NSMCE2: variants seen among roughly 807,000 people sequenced by gnomAD.
NSMCE2 encodes the protein E3 SUMO-protein ligase NSE2.
In NSMCE2, 24 loss-of-function variants were observed where a neutral mutation model predicts 23.8. The ratio of observed to expected loss-of-function variants is 1.01; its 90% CI spans 0.73 to 1.42. The LOEUF (loss-of-function observed/expected upper bound fraction) is 1.42. Among genes scored for constraint, NSMCE2 ranks in the 40% most tolerant of loss-of-function variants. The pLI, the probability that NSMCE2 is intolerant of heterozygous loss-of-function variation, is 0.00. For missense variants in NSMCE2, 284 were observed against 296.5 expected (o/e 0.96, Z 0.31); for synonymous variants, 92 against 94.1 (o/e 0.98, Z 0.13).
In NSMCE2 at chr8:125,151,331, A is replaced by T. The variant is rs1821021349; in HGVS notation, c.264+54A>T. ...ATTTGGTTACAACTCACTGACCGAG[A>T]AGTAGAAACACAAAATCAAAATTCT... On this transcript the variant is annotated intron_variant, in intron 4 of 7. Coordinates refer to ENST00000287437, the MANE Select transcript of NSMCE2 (RefSeq NM_173685.4). 7.1e-6 allele frequency: 6 copies of T among 849,316 alleles called. No individual in the cohort carries two copies. In the East Asian group the frequency reaches 1.5e-4, roughly 21 times the overall value. 52.6% of individuals were successfully genotyped at this position (849,316 alleles called of 1,614,324 possible).
At chr8:125,267,355 GA>G in intron 5 of NSMCE2, among the ~76,000 whole-genome samples, 1 of 152,262 alleles carries the variant, frequency 6.6e-6, no homozygotes, top group African/African-American at 2.4e-5. Flanking sequence ...TTACTTTAGT[GA>G]GACAAATATG....
At chr8:125,226,632 G>A (rs933549639) in intron 5 of NSMCE2, among the ~76,000 whole-genome samples, 2 of 152,242 alleles carry the variant, frequency 1.3e-5, no homozygotes, top group South Asian at 2.1e-4. Flanking sequence ...AGGACGAAAC[G>A]CCACTTGTCT....
chr8:125,225,331 GCTCT>G (rs1387481901), intron 5 of NSMCE2, among the ~76,000 whole-genome samples: 2 of 152,268 alleles, frequency 1.3e-5, no homozygotes, highest in Admixed American at 6.5e-5. Context: ...GCTCTTTTAA[GCTCT>G]CTAACAACCT....
chr8:125,296,099 C>T (rs746002802), intron 5 of NSMCE2, among the ~76,000 whole-genome samples: 7 of 152,290 alleles, frequency 4.6e-5, no homozygotes, highest in Admixed American at 1.3e-4. Context: ...ATTTACTACA[C>T]GCTAGGCATT....
chr8:125,155,731 T>C (rs750085340), intron 4 of NSMCE2, among the ~76,000 whole-genome samples: 5 of 152,238 alleles, frequency 3.3e-5, no homozygotes, highest in Non-Finnish European at 7.4e-5. Context: ...AGTTCCAAAC[T>C]GTGGGCTTCA....
At chr8:125,158,605 C>G (rs1406641718) in intron 4 of NSMCE2, among the ~76,000 whole-genome samples, 1 of 152,148 alleles carries the variant, frequency 6.6e-6, no homozygotes, top group Non-Finnish European at 1.5e-5. Flanking sequence ...TTTGAATTAC[C>G]CAAATGATAT....
intron 5 of NSMCE2, among the ~76,000 whole-genome samples, chr8:125,275,676 G>T (rs1033632965): frequency 6.6e-6 from 1 of 152,206 alleles, no homozygotes. Flanking sequence ...AAGAGGAAAC[G>T]AAGTACTATT....
chr8:125,146,498 A>C (rs902480954), intron 3 of NSMCE2, among the ~76,000 whole-genome samples: 1 of 152,206 alleles, frequency 6.6e-6, no homozygotes, highest in Non-Finnish European at 1.5e-5. Context: ...AACCAACCCA[A>C]ATGTCCAACA....
intron 5 of NSMCE2, among the ~76,000 whole-genome samples, chr8:125,224,304 T>C (rs1825001034): frequency 6.6e-6 from 1 of 152,230 alleles, no homozygotes; most frequent in Non-Finnish European, 1.5e-5. Context: ...AGAAGCGTTT[T>C]AGTTTGATGC....
At chr8:125,220,907 T>C (rs1261387669) in intron 5 of NSMCE2, among the ~76,000 whole-genome samples, 1 of 152,200 alleles carries the variant, frequency 6.6e-6, no homozygotes, top group East Asian at 1.9e-4. Context: ...CTTTATTCTG[T>C]GGTTAAAGAG....
intron 5 of NSMCE2, among the ~76,000 whole-genome samples, chr8:125,232,710 T>C (rs1825378642): frequency 6.6e-6 from 1 of 152,232 alleles, no homozygotes; most frequent in African/African-American, 2.4e-5. Flanking sequence ...ATTTCTACAC[T>C]CTCACCTCCC....
At chr8:125,268,251 A>AG (rs1164568963) in intron 5 of NSMCE2, among the ~76,000 whole-genome samples, 2 of 151,982 alleles carry the variant, frequency 1.3e-5, no homozygotes, top group Non-Finnish European at 2.9e-5. Flanking sequence ...AAAAAAAAAA[A>AG]GTATTTTTTG....
At chr8:125,269,784 C>T (rs894839009) in intron 5 of NSMCE2, among the ~76,000 whole-genome samples, 1 of 152,214 alleles carries the variant, frequency 6.6e-6, no homozygotes, top group Non-Finnish European at 1.5e-5. Flanking sequence ...CTGAATCAGT[C>T]ATCATCAATA....
At chr8:125,268,765 A>G (rs1395001143) in intron 5 of NSMCE2, among the ~76,000 whole-genome samples, 1 of 152,184 alleles carries the variant, frequency 6.6e-6, no homozygotes, top group Non-Finnish European at 1.5e-5. Context: ...ATCCCATAGC[A>G]GTGCATGAGC....
At chr8:125,321,622 T>C (rs1251760464) in intron 5 of NSMCE2, among the ~76,000 whole-genome samples, 5 of 152,146 alleles carry the variant, frequency 3.3e-5, no homozygotes, top group South Asian at 4.1e-4. Context: ...CTCATAAACA[T>C]AGATGCAAAA....
chr8:125,297,050 A>G (rs1457085716), intron 5 of NSMCE2, among the ~76,000 whole-genome samples: 1 of 152,208 alleles, frequency 6.6e-6, no homozygotes, highest in Non-Finnish European at 1.5e-5. Flanking sequence ...TTATTCAATT[A>G]AATTGTTACA....
chr8:125,275,052 A>G (rs547843582), intron 5 of NSMCE2, among the ~76,000 whole-genome samples: 33 of 150,656 alleles, frequency 2.2e-4, no homozygotes, highest in African/African-American at 7.3e-4. Flanking sequence ...ATAATATCCT[A>G]GGTGGCTTCA....
At chr8:125,177,487 C>G (rs995863462) in intron 4 of NSMCE2, among the ~76,000 whole-genome samples, 1 of 152,186 alleles carries the variant, frequency 6.6e-6, no homozygotes, top group South Asian at 2.1e-4. Flanking sequence ...CTCTGTTAAC[C>G]CCTTTTCTCA....
chr8:125,140,718 C>T (rs998135322), intron 3 of NSMCE2, among the ~76,000 whole-genome samples: 3 of 152,006 alleles, frequency 2.0e-5, no homozygotes, highest in Non-Finnish European at 4.4e-5. Flanking sequence ...CATGCAAGAG[C>T]TTTGGTATTT....
Sources: allele counts gnomAD v4.1 joint callset (sites outside exome capture counted in the v4.1 genomes callset), GRCh38; gene constraint gnomAD v4.1.1; transcripts MANE v1.5; gene names NCBI Gene and HGNC (gene_info 2026-07-23, HGNC 2026-07-21).